CPAMD8: variants seen among roughly 807,000 people sequenced by gnomAD.
CPAMD8 encodes the protein C3 and PZP like alpha-2-macroglobulin domain containing 8, also known as C3 and PZP-like alpha-2-macroglobulin domain-containing protein 8.
Under a neutral mutation model 224.7 loss-of-function variants are expected in CPAMD8, and 146 were observed. The observed-to-expected ratio is 0.65, with a 90% CI of 0.57 to 0.75. CPAMD8 has a LOEUF of 0.75. Among genes scored for constraint, CPAMD8 ranks in the 30% least tolerant of loss-of-function variants. The pLI is 0.00. For missense variants in CPAMD8, 2,301 were observed against 2,537.5 expected, an observed-to-expected ratio of 0.91 and a Z score of 2.00; for synonymous variants, 966 against 1,044.6, an observed-to-expected ratio of 0.92 and a Z score of 1.45.
intron 29 of CPAMD8, chr19:16,907,481 G>A (rs1270885425): frequency 1.3e-5 from 2 of 155,948 alleles, no homozygotes; most frequent in Non-Finnish European, 2.8e-5. Context: ...GGTGGCACAT[G>A]CCTTTAATCC....
rs537924375 is a variant in CPAMD8, at chr19:16,974,243, T to C, written c.2070+854A>G. ...GCCTCCCAGGTTCACGCCATTCTCC[T>C]GCCTCAGCCTCCCGAGTAGCTGGGA... On this transcript the variant is annotated intron_variant, in intron 17 of 41. Coordinates refer to ENST00000443236, the MANE Select transcript of CPAMD8 (RefSeq NM_015692.5). 3.3e-5 allele frequency among the ~76,000 whole-genome samples: 5 copies of C among 152,114 alleles called. No homozygotes were observed. The South Asian group carries it at 6.2e-4, about 19-fold the overall frequency.
At chr19:17,025,479 G>T (rs1223546838) in intron 1 of CPAMD8, among the ~76,000 whole-genome samples, 2 of 152,104 alleles carry the variant, frequency 1.3e-5, no homozygotes, top group South Asian at 4.1e-4. Flanking sequence ...ATAAGGCAGG[G>T]TCTCTCATTG....
chr19:17,006,917 G>T (rs2056507727), intron 7 of CPAMD8, among the ~76,000 whole-genome samples: 1 of 152,122 alleles, frequency 6.6e-6, no homozygotes, highest in African/African-American at 2.4e-5. Context: ...TCCCCCATTG[G>T]GTTGAAAGCT....
At chr19:16,988,054 C>G (rs555913579) in intron 13 of CPAMD8, among the ~76,000 whole-genome samples, 38 of 152,296 alleles carry the variant, frequency 2.5e-4, no homozygotes, top group African/African-American at 9.1e-4. Flanking sequence ...TACACACACA[C>G]ACCTTATGTA....
At chr19:16,903,899 G>A (rs1324621444) in intron 32 of CPAMD8, 42 bp from the exon 33 acceptor site, 2 of 1,597,308 alleles carry the variant, frequency 1.3e-6, no homozygotes, top group African/African-American at 1.3e-5. Flanking sequence ...CTGAGACTGA[G>A]TTGGCCAGTG....
chr19:16,910,231 G>A (rs28860199), intron 29 of CPAMD8, among the ~76,000 whole-genome samples: 5,997 of 147,936 alleles, frequency 0.041, 204 homozygotes, highest in African/African-American at 0.092. Flanking sequence ...GTGCAATGGC[G>A]TGATCTCAGC....
chr19:16,901,074 A>G (rs2052236577), intron 36 of CPAMD8, 136 bp downstream of exon 36: 1 of 589,124 alleles, frequency 1.7e-6, no homozygotes. Flanking sequence ...GGGGAGGGGG[A>G]GAGGGAGAGG....
intron 8 of CPAMD8, 64 bp from the exon 9 acceptor site, chr19:17,002,414 A>ACACCTTG: frequency 4.5e-6 from 5 of 1,106,940 alleles, no homozygotes; most frequent in Non-Finnish European, 6.8e-6. Context: ...AGGAGCCCTG[A>ACACCTTG]CACCGGTGCA....
intron 32 of CPAMD8, 50 bp downstream of exon 32, chr19:16,904,176 A>ACGGCCCCCCCCCCCCCCCC: frequency 2.1e-6 from 2 of 937,340 alleles, no homozygotes. Context: ...GACTGCAGGG[A>ACGGCCCCCCCCCCCCCCCC]CCCCACCCAC....
chr19:17,002,836 A>C (rs931680792), intron 8 of CPAMD8, among the ~76,000 whole-genome samples: 2 of 152,106 alleles, frequency 1.3e-5, no homozygotes, highest in Admixed American at 1.3e-4. Context: ...TAAACCAGAA[A>C]GAATCGGGTC....
At chr19:16,934,473 TA>T (rs1431930717) in intron 23 of CPAMD8, among the ~76,000 whole-genome samples, 2 of 152,204 alleles carry the variant, frequency 1.3e-5, no homozygotes, top group African/African-American at 4.8e-5. Flanking sequence ...TAACATGTTC[TA>T]AAATGCTCCA....
chr19:16,950,950 C>A lies in CPAMD8; in HGVS notation c.2508+1019G>T, dbSNP rs533306408. Among the ~76,000 whole-genome samples the A allele has an allele frequency of 2.0e-5, 3 of 152,192 alleles. No homozygotes were observed. The South Asian group carries it at 6.2e-4, about 32-fold the overall frequency. On this transcript the variant is annotated intron_variant, in intron 20 of 41. Coordinates refer to ENST00000443236, the MANE Select transcript of CPAMD8 (RefSeq NM_015692.5). ...AATACATTTCTGTTGTTTTAAGCCACCTGGTTTGGGCTACCTTACTAGCCC... is the reference window on the plus strand; with the variant it reads ...AATACATTTCTGTTGTTTTAAGCCAACTGGTTTGGGCTACCTTACTAGCCC...
At chr19:16,962,062 A>C (rs1264549926) in intron 18 of CPAMD8, among the ~76,000 whole-genome samples, 1 of 152,252 alleles carries the variant, frequency 6.6e-6, no homozygotes, top group African/African-American at 2.4e-5. Context: ...CCAAAGGTAG[A>C]TAAAACCACA....
chr19:16,947,011 C>T, intron 21 of CPAMD8, 63 bp downstream of exon 21: 1 of 1,511,768 alleles, frequency 6.6e-7, no homozygotes, highest in Non-Finnish European at 8.9e-7. Context: ...CAACTCGGGT[C>T]AATGCCAGGA....
intron 1 of CPAMD8, 93 bp downstream of exon 1, chr19:17,026,458 G>C (rs1452256447): frequency 4.6e-6 from 6 of 1,298,114 alleles, no homozygotes; most frequent in Non-Finnish European, 6.0e-6. Context: ...AGGCTGTGTG[G>C]CCTTGGGCAG....
chr19:16,907,017 G>C lies in CPAMD8; in HGVS notation c.3962C>G (p.Thr1321Ser). The change falls in exon 30 of 42, where the codon ACC (threonine) becomes AGC (serine). Residue 1321 changes from threonine (T) to serine (S), a missense_variant. Thr to Ser is a moderately conservative substitution (Grantham distance 58). Coordinates refer to ENST00000443236, the MANE Select transcript of CPAMD8 (RefSeq NM_015692.5). The stretch of plus-strand genomic sequence containing the variant: ...AGGGGCTGCCGGGCTGCGGAGCAGG[G>C]TCAGCGCGTAGGTAGTCAGGGCACA... ...YSCALTTYAL[T>S]LLRSPAAPEA... 1 of 1,607,888 alleles carries C rather than the reference G, an allele frequency of 6.2e-7. No individual in the cohort carries two copies. The highest frequency in any genetic ancestry group is 8.5e-7 in the Non-Finnish European group (1 of 1,178,270).
At position 16,906,346 on chromosome 19, in the gene CPAMD8, C is replaced by CTT. The variant is rs1285679900; in HGVS notation, c.4027+604_4027+605dup. Among the ~76,000 whole-genome samples, 149 of 25,228 alleles carry CTT rather than the reference C, an allele frequency of 5.9e-3. 1 individual carries two copies. In the South Asian group the frequency reaches 0.077, roughly 13 times the overall value. The allele number at this position is 25,228 out of a possible 152,430, so 16.6% of individuals were successfully genotyped here. ...CTTCCTTCCTTCTTTCCCTTTCTTT[C>CTT]TTTCTTTCTTTCTTTCTTTCTTTCT... On this transcript the variant is annotated intron_variant, in intron 30 of 41. Transcript: ENST00000443236.
chr19:16,893,453 C>T (rs1568438837), intron 41 of CPAMD8, 114 bp from the exon 42 acceptor site: 1 of 701,166 alleles, frequency 1.4e-6, no homozygotes. Flanking sequence ...GTGGGGAACC[C>T]ACCGGCCAGG....
chr19:16,980,082 T>C (rs1410978257), intron 14 of CPAMD8, among the ~76,000 whole-genome samples: 1 of 152,048 alleles, frequency 6.6e-6, no homozygotes, highest in Non-Finnish European at 1.5e-5. Context: ...GACCCTGTAT[T>C]GAGAAGAAGA....
Sources: allele counts gnomAD v4.1 joint callset (sites outside exome capture counted in the v4.1 genomes callset), GRCh38; gene constraint gnomAD v4.1.1; transcripts MANE v1.5; gene names NCBI Gene and HGNC (gene_info 2026-07-23, HGNC 2026-07-21).